Variants in CTNNA2 observed in about 807,000 individuals in gnomAD.
CTNNA2 encodes the protein catenin alpha 2.
CTNNA2 carries 42 observed loss-of-function variants against 101.0 expected under a neutral mutation model. The observed-to-expected ratio is 0.42, with a 90% CI of 0.32 to 0.54. The LOEUF is 0.54. Ranked by LOEUF, CTNNA2 falls within the 20% of genes least tolerant of loss-of-function variation. The pLI is 0.14. For synonymous variants in CTNNA2, 450 were observed against 456.4 expected (o/e 0.99, Z 0.18); for missense variants, 871 against 1,223.1 (o/e 0.71, Z 4.29).
At chr2:80,070,845 C>T (rs1345281570) in intron 7 of CTNNA2, among the ~76,000 whole-genome samples, 1 of 152,140 alleles carries the variant, frequency 6.6e-6, no homozygotes, top group East Asian at 1.9e-4. Flanking sequence ...TGGTGGCTAC[C>T]TACATTCCTT....
chr2:79,964,333 T>G (rs1303316006), intron 7 of CTNNA2, among the ~76,000 whole-genome samples: 1 of 152,130 alleles, frequency 6.6e-6, no homozygotes, highest in Non-Finnish European at 1.5e-5. Context: ...CTAATAGAGT[T>G]TAAGGCACTT....
At chr2:80,069,493 T>C (rs1698189485) in intron 7 of CTNNA2, among the ~76,000 whole-genome samples, 1 of 152,206 alleles carries the variant, frequency 6.6e-6, no homozygotes, top group Non-Finnish European at 1.5e-5. Context: ...TCTAACATGA[T>C]ACAACCATCC....
chr2:80,135,776 G>C (rs983079420), intron 7 of CTNNA2, among the ~76,000 whole-genome samples: 7 of 152,102 alleles, frequency 4.6e-5, no homozygotes, highest in African/African-American at 1.4e-4. Context: ...TGAGTTGCTT[G>C]GCTCCCTGAA....
intron 7 of CTNNA2, among the ~76,000 whole-genome samples, chr2:80,310,797 C>A (rs920864061): frequency 1.3e-5 from 2 of 151,942 alleles, no homozygotes; most frequent in East Asian, 3.9e-4. Context: ...CATGATGAAA[C>A]CCTGTCTCTA....
At chr2:80,573,035 A>C (rs1421927811) in intron 12 of CTNNA2, 1 of 152,240 alleles carries the variant, frequency 6.6e-6, no homozygotes, top group African/African-American at 2.4e-5. Flanking sequence ...CAGAGGGATT[A>C]AAATGGATAT....
intron 2 of CTNNA2, among the ~76,000 whole-genome samples, chr2:79,222,016 C>T (rs1385626702): frequency 1.3e-5 from 2 of 152,100 alleles, no homozygotes; most frequent in South Asian, 2.1e-4. Context: ...AAAAGCTGCC[C>T]AGCCCCTGGC....
intron 2 of CTNNA2, among the ~76,000 whole-genome samples, chr2:79,697,585 A>T (rs1335186354): frequency 6.6e-6 from 1 of 151,992 alleles, no homozygotes; most frequent in African/African-American, 2.4e-5. Flanking sequence ...GGCTTTCTGG[A>T]TGGTAACTTT....
At chr2:79,573,133 CAAG>C (rs1362589782) in intron 1 of CTNNA2, among the ~76,000 whole-genome samples, 2 of 152,054 alleles carry the variant, frequency 1.3e-5, no homozygotes, top group African/African-American at 4.8e-5. Flanking sequence ...TTTTTTAAAA[CAAG>C]AAGAATTTTA....
chr2:80,519,784 T>G (rs913364787), intron 9 of CTNNA2, among the ~76,000 whole-genome samples: 6 of 152,220 alleles, frequency 3.9e-5, no homozygotes, highest in Non-Finnish European at 7.3e-5. Flanking sequence ...AGTTTGGGAA[T>G]AGCTCTACTG....
intron 4 of CTNNA2, among the ~76,000 whole-genome samples, chr2:79,859,077 A>T (rs1681376999): frequency 6.6e-6 from 1 of 151,944 alleles, no homozygotes; most frequent in Admixed American, 6.6e-5. Context: ...GTGAAATATG[A>T]TTCCTGAACA....
intron 7 of CTNNA2, among the ~76,000 whole-genome samples, chr2:80,203,721 T>C (rs1049483511): frequency 1.3e-5 from 2 of 152,220 alleles, no homozygotes; most frequent in African/African-American, 4.8e-5. Flanking sequence ...TTCTGGAGGA[T>C]GGTGGCCCTC....
At chr2:79,340,352 C>A (rs1343465640) in intron 3 of CTNNA2, among the ~76,000 whole-genome samples, 2 of 152,282 alleles carry the variant, frequency 1.3e-5, no homozygotes, top group African/African-American at 2.4e-5. Flanking sequence ...ATTAAACGCA[C>A]ATATGTATCA....
At chr2:80,491,566 T>G (rs1687063986) in intron 9 of CTNNA2, among the ~76,000 whole-genome samples, 1 of 152,054 alleles carries the variant, frequency 6.6e-6, no homozygotes, top group African/African-American at 2.4e-5. Context: ...CAAGGGAAAA[T>G]TAAAATATCT....
chr2:79,306,605 G>A (rs1046664907), intron 2 of CTNNA2, among the ~76,000 whole-genome samples: 1 of 152,182 alleles, frequency 6.6e-6, no homozygotes, highest in African/African-American at 2.4e-5. Flanking sequence ...TGCAGACAAT[G>A]CTGAAAGCAA....
intron 1 of CTNNA2, among the ~76,000 whole-genome samples, chr2:79,620,218 A>G (rs1283786638): frequency 6.6e-6 from 1 of 152,206 alleles, no homozygotes; most frequent in East Asian, 1.9e-4. Flanking sequence ...AGCCCATTCA[A>G]CTAGCCCCCA....
chr2:79,318,469 T>G (rs1235282500), intron 3 of CTNNA2, among the ~76,000 whole-genome samples: 1 of 152,226 alleles, frequency 6.6e-6, no homozygotes, highest in Non-Finnish European at 1.5e-5. Flanking sequence ...CACTTTGAAT[T>G]AAGAAACATT....
At chr2:79,506,760 G>C (rs766278871) in intron 5 of CTNNA2, among the ~76,000 whole-genome samples, 3 of 152,162 alleles carry the variant, frequency 2.0e-5, no homozygotes, top group Non-Finnish European at 4.4e-5. Flanking sequence ...CTGGATATCA[G>C]GAGATTCTGT....
In CTNNA2 at chr2:79,652,696, A is replaced by G. The variant is rs142484576; in HGVS notation, c.102+1038A>G. Among the ~76,000 whole-genome samples, 88 of 152,208 alleles carry G rather than the reference A, an allele frequency of 5.8e-4. 2 individuals are homozygous for G. In the East Asian group the frequency reaches 0.012, roughly 21 times the overall value. On this transcript the variant is annotated intron_variant, in intron 2 of 18. Coordinates refer to ENST00000402739, the MANE Select transcript of CTNNA2 (RefSeq NM_001282597.3). Reference sequence around the variant, plus strand: ...GGCTTCTATTGCCATTTAAGGTAACATATTTACAGTTTCCAGGGATTTGGA... The same window carrying G: ...GGCTTCTATTGCCATTTAAGGTAACGTATTTACAGTTTCCAGGGATTTGGA...
At chr2:80,379,882 T>C (rs1434706336) in intron 7 of CTNNA2, among the ~76,000 whole-genome samples, 1 of 152,196 alleles carries the variant, frequency 6.6e-6, no homozygotes, top group Non-Finnish European at 1.5e-5. Context: ...CTATGGACTA[T>C]TGAGTCTAAG....
Sources: allele counts gnomAD v4.1 joint callset (sites outside exome capture counted in the v4.1 genomes callset), GRCh38; gene constraint gnomAD v4.1.1; transcripts MANE v1.5; gene names NCBI Gene and HGNC (gene_info 2026-07-23, HGNC 2026-07-21).